GALNT14: variants seen among roughly 807,000 people sequenced by gnomAD.
The protein encoded by GALNT14 is UDP-GalNAc:polypeptide N-acetylgalactosaminyltransferase 14.
A neutral mutation model predicts 77.5 loss-of-function variants in GALNT14; 60 were observed. The ratio of observed to expected loss-of-function variants is 0.77; its 90% CI spans 0.63 to 0.96. The LOEUF is 0.96. Ranked by LOEUF, GALNT14 falls within the 40% of genes least tolerant of loss-of-function variation. The pLI is 0.00. For synonymous variants in GALNT14, 280 were observed against 281.7 expected, an observed-to-expected ratio of 0.99 and a Z score of 0.06; for missense variants, 710 against 731.0, an observed-to-expected ratio of 0.97 and a Z score of 0.33.
At chr2:30,952,353 ACCAACCCAAATGT>A (rs1667077944) in intron 6 of GALNT14, among the ~76,000 whole-genome samples, 6 of 151,894 alleles carry the variant, frequency 4.0e-5, no homozygotes, top group South Asian at 4.2e-4. Flanking sequence ...AAGACGTGGA[ACCAACCCAAATGT>A]CCAACAATGA....
chr2:30,981,420 T>G (rs1204490984), intron 2 of GALNT14, among the ~76,000 whole-genome samples: 3 of 152,224 alleles, frequency 2.0e-5, no homozygotes, highest in Non-Finnish European at 4.4e-5. Flanking sequence ...GCTGCTGCTG[T>G]GTTTAATAGG....
intron 1 of GALNT14, among the ~76,000 whole-genome samples, chr2:31,130,775 TGTGTGTGTGC>T (rs1283618489): frequency 7.2e-6 from 1 of 139,206 alleles, no homozygotes; most frequent in East Asian, 2.0e-4. Flanking sequence ...TGTGTGTGTG[TGTGTGTGTGC>T]GCGCGCACCT....
At chr2:30,932,482 C>CT (rs1665798237) in intron 9 of GALNT14, among the ~76,000 whole-genome samples, 1 of 152,226 alleles carries the variant, frequency 6.6e-6, no homozygotes, top group South Asian at 2.1e-4. Flanking sequence ...TCTGCTGCAA[C>CT]TTCTTAGCCT....
intron 13 of GALNT14, among the ~76,000 whole-genome samples, chr2:30,913,860 T>A (rs1572955926): frequency 6.6e-6 from 1 of 152,364 alleles, no homozygotes; most frequent in East Asian, 1.9e-4. Context: ...GGGCGTTCTT[T>A]ATACTATTCG....
intron 13 of GALNT14, among the ~76,000 whole-genome samples, chr2:30,914,690 T>TTTA (rs1558398628): frequency 1.1e-4 from 16 of 152,312 alleles, no homozygotes; most frequent in African/African-American, 3.8e-4. Context: ...ATATCCAAGC[T>TTTA]GAGTCATTCC....
intron 1 of GALNT14, among the ~76,000 whole-genome samples, chr2:31,017,101 C>T (rs916382607): frequency 2.0e-5 from 3 of 152,228 alleles, no homozygotes; most frequent in South Asian, 4.1e-4. Flanking sequence ...CTGTCTGGCC[C>T]ATGCTCTTTC....
intron 1 of GALNT14, among the ~76,000 whole-genome samples, chr2:31,057,087 A>G (rs543238307): frequency 1.3e-5 from 2 of 152,134 alleles, no homozygotes; most frequent in African/African-American, 4.8e-5. Flanking sequence ...CTGGGTACTC[A>G]TGGATACAAA....
At chr2:31,072,298 C>T (rs1172164196) in intron 1 of GALNT14, among the ~76,000 whole-genome samples, 4 of 56,708 alleles carry the variant, frequency 7.1e-5, no homozygotes, top group African/African-American at 4.7e-4. Flanking sequence ...CACACACACA[C>T]ACACATACAC....
intron 1 of GALNT14, among the ~76,000 whole-genome samples, chr2:31,072,266 C>T (rs1292407748): frequency 1.7e-5 from 1 of 59,812 alleles, no homozygotes; most frequent in African/African-American, 8.0e-5. Flanking sequence ...CTCTCTCTCA[C>T]ACACACACAC....
intron 1 of GALNT14, among the ~76,000 whole-genome samples, chr2:31,084,818 A>G (rs1676335576): frequency 1.3e-5 from 2 of 152,186 alleles, no homozygotes; most frequent in Admixed American, 1.3e-4. Flanking sequence ...TGAGGTCAGG[A>G]GTTCGAGACC....
Position 31,061,319 on chromosome 2 carries a change from C to T in GALNT14, c.130-68312G>A, listed in dbSNP as rs141104448. 6.4e-4 allele frequency among the ~76,000 whole-genome samples: 98 copies of T among 152,266 alleles called. 2 individuals carry two copies. Among genetic ancestry groups the T allele is most frequent in the Middle Eastern group, 3.4e-3 (1 of 294 alleles). On this transcript the variant is annotated intron_variant, in intron 1 of 14. Transcript: ENST00000349752. ...GGCCTCTTCCTTAATTTCTCTTTCTCGACCATCAAATCTGTTATAGGTTTA... is the reference window on the plus strand; with the variant it reads ...GGCCTCTTCCTTAATTTCTCTTTCTTGACCATCAAATCTGTTATAGGTTTA...
chr2:31,036,347 T>C (rs1672738238), intron 1 of GALNT14, among the ~76,000 whole-genome samples: 1 of 152,190 alleles, frequency 6.6e-6, no homozygotes. Flanking sequence ...TTTAAAACAG[T>C]ATAGTTTGAA....
chr2:31,047,167 T>C (rs969044394), intron 1 of GALNT14, among the ~76,000 whole-genome samples: 5 of 152,136 alleles, frequency 3.3e-5, no homozygotes, highest in Non-Finnish European at 5.9e-5. Context: ...GACCAGGGCT[T>C]GACAGCAGGT....
intron 1 of GALNT14, among the ~76,000 whole-genome samples, chr2:31,124,965 C>T (rs1678630901): frequency 6.6e-6 from 1 of 152,240 alleles, no homozygotes; most frequent in African/African-American, 2.4e-5. Context: ...ATGCAGGACA[C>T]TTGACAGTCA....
At chr2:31,083,064 T>C (rs1255274623) in intron 1 of GALNT14, among the ~76,000 whole-genome samples, 1 of 151,986 alleles carries the variant, frequency 6.6e-6, no homozygotes, top group Non-Finnish European at 1.5e-5. Flanking sequence ...CTATTAATAA[T>C]AATAATAATG....
intron 9 of GALNT14, among the ~76,000 whole-genome samples, chr2:30,936,119 A>G (rs1666043147): frequency 6.6e-6 from 1 of 152,118 alleles, no homozygotes; most frequent in Non-Finnish European, 1.5e-5. Flanking sequence ...CACTGTTATA[A>G]TCTTACTTTC....
intron 1 of GALNT14, chr2:31,065,313 G>A (rs1674872618): frequency 1.3e-5 from 2 of 152,138 alleles, no homozygotes; most frequent in Admixed American, 6.6e-5. Flanking sequence ...GATGATGGTG[G>A]AAAAAGCACT....
At chr2:30,922,605 A>G (rs1486384950) in intron 13 of GALNT14, among the ~76,000 whole-genome samples, 2 of 151,896 alleles carry the variant, frequency 1.3e-5, no homozygotes, top group South Asian at 2.1e-4. Context: ...GCCTATTTCT[A>G]CTCATCTCTG....
chr2:31,059,285 G>T (rs1335943756), intron 1 of GALNT14, among the ~76,000 whole-genome samples: 1 of 152,112 alleles, frequency 6.6e-6, no homozygotes, highest in Non-Finnish European at 1.5e-5. Flanking sequence ...ATTAAGAACA[G>T]AAATCACAGC....
Sources: allele counts gnomAD v4.1 joint callset (sites outside exome capture counted in the v4.1 genomes callset), GRCh38; gene constraint gnomAD v4.1.1; transcripts MANE v1.5; gene names NCBI Gene and HGNC (gene_info 2026-07-23, HGNC 2026-07-21).